Variants in CDR2L observed in about 807,000 individuals in gnomAD.
CDR2L encodes the protein cerebellar degeneration-related protein 2-like.
In CDR2L, 19 loss-of-function variants were observed where a neutral mutation model predicts 36.1. The ratio of observed to expected loss-of-function variants is 0.53; its 90% CI spans 0.37 to 0.77. CDR2L has a LOEUF of 0.77. Ranked by LOEUF, CDR2L falls within the 30% of genes least tolerant of loss-of-function variation. The pLI is 0.00. For synonymous variants in CDR2L, 285 were observed against 280.4 expected, an observed-to-expected ratio of 1.02 and a Z score of -0.16; for missense variants, 575 against 627.2, an observed-to-expected ratio of 0.92 and a Z score of 0.89.
chr17:74,992,938 A>C (rs1050439677), intron 1 of CDR2L, among the ~76,000 whole-genome samples: 1 of 152,228 alleles, frequency 6.6e-6, no homozygotes, highest in Non-Finnish European at 1.5e-5. Context: ...CCTCTGATGC[A>C]GTGGCTTTGC....
intron 1 of CDR2L, among the ~76,000 whole-genome samples, chr17:74,997,271 AT>A (rs1220459735): frequency 1.3e-5 from 2 of 151,602 alleles, no homozygotes; most frequent in Non-Finnish European, 2.9e-5. Flanking sequence ...TGGAGATAGG[AT>A]TTCACCATGT....
chr17:74,998,796 C>T (rs2039845962), intron 1 of CDR2L, among the ~76,000 whole-genome samples: 1 of 152,140 alleles, frequency 6.6e-6, no homozygotes, highest in Non-Finnish European at 1.5e-5. Flanking sequence ...CTGGGTTGTC[C>T]ACACCACTCT....
At position 75,004,042 on chromosome 17, in the gene CDR2L, G is replaced by A. The variant is rs1281038116; in HGVS notation, c.1366G>A (p.Ala456Thr). 11 of 1,610,654 alleles carry A rather than the reference G, an allele frequency of 6.8e-6. No homozygotes were observed. Among genetic ancestry groups the A allele is most frequent in the Non-Finnish European group, 8.5e-6 (10 of 1,178,652 alleles). ...RIQKTKADIN[A>T]TKVKTHSSK ...CCAGAAGACCAAGGCTGACATCAAC[G>A]CCACCAAAGTCAAGACGCACAGCAG... The change falls in exon 5 of 5, where the codon GCC becomes ACC. Residue 456 changes from alanine (A) to threonine (T), a missense_variant. Transcript: ENST00000337231.
rs773821535 is a variant in CDR2L at position 75,003,783 on chromosome 17, G to A, written c.1107G>A (p.Glu369=). 6.6e-6 allele frequency: 10 copies of A among 1,524,254 alleles called. No homozygotes were observed. Among genetic ancestry groups the A allele is most frequent in the Non-Finnish European group, 8.8e-6 (10 of 1,133,926 alleles). The allele number at this position is 1,524,254 out of a possible 1,614,324, so 94.4% of individuals were successfully genotyped here. ...QYHALLEKYE[E]LLSKCRQHGA... ...ACGCGCTGCTGGAGAAGTACGAGGA[G>A]CTGCTGAGCAAGTGCCGGCAGCACG... The change falls in exon 5 of 5, where the codon GAG becomes GAA. Residue 369 remains glutamate (E), a synonymous_variant. Coordinates refer to ENST00000337231, the MANE Select transcript of CDR2L (RefSeq NM_014603.3).
In CDR2L at chr17:75,005,469, G is replaced by A. The variant is rs763231376; in HGVS notation, c.*1395G>A. 6.5e-6 allele frequency: 1 copy of A among 152,744 alleles called. No homozygotes were observed. Among genetic ancestry groups the A allele is most frequent in the African/African-American group, 2.4e-5 (1 of 41,454 alleles). 9.5% of individuals were successfully genotyped at this position (152,744 alleles called of 1,614,324 possible). On this transcript the variant is annotated 3_prime_UTR_variant, in exon 5 of 5. Transcript: ENST00000337231. The surrounding 1 kb of genome is among the most constrained non-coding windows in gnomAD (Gnocchi z 4.2). ...CTTATTTATTTCTAATGGGTAAAGG[G>A]GTTTTCTTACCAAGCATCCCTGACC...
intron 1 of CDR2L, among the ~76,000 whole-genome samples, chr17:74,997,079 TC>T (rs59315943): frequency 0.063 from 257 of 4,078 alleles, 12 homozygotes; most frequent in East Asian, 0.18. Flanking sequence ...TTTCTTTCTT[TC>T]TTTCTTTTTT....
At position 74,999,497 on chromosome 17, in the gene CDR2L, A is replaced by G. The variant is rs1174258013; in HGVS notation, c.80-7A>G. The G allele has an allele frequency of 2.6e-6, 4 of 1,550,586 alleles. No individual in the cohort carries two copies. Among genetic ancestry groups the G allele is most frequent in the Non-Finnish European group, 3.5e-6 (4 of 1,143,208 alleles). The stretch of plus-strand genomic sequence containing the variant: ...TTGTTCTCATGCTCGTGTTTCTCCT[A>G]TCCTAGACTTGCACCTAGCTGCGGA... On this transcript the variant is annotated splice_region_variant and splice_polypyrimidine_tract_variant and intron_variant, in intron 1 of 4. Transcript: ENST00000337231.
At chr17:74,994,255 A>G (rs138581852) in intron 1 of CDR2L, among the ~76,000 whole-genome samples, 38 of 152,302 alleles carry the variant, frequency 2.5e-4, no homozygotes, top group African/African-American at 6.7e-4. Context: ...AACTATCACT[A>G]TGTCTAAAAA....
At chr17:74,997,441 T>A (rs758418915) in intron 1 of CDR2L, among the ~76,000 whole-genome samples, 6 of 151,636 alleles carry the variant, frequency 4.0e-5, no homozygotes, top group African/African-American at 7.3e-5. Context: ...CCGGGGAGAG[T>A]GAAGCTCTCC....
intron 1 of CDR2L, among the ~76,000 whole-genome samples, chr17:74,998,173 C>CA (rs1316649008): frequency 1.3e-5 from 2 of 151,896 alleles, no homozygotes; most frequent in African/African-American, 4.8e-5. Context: ...TGCAGTGAGC[C>CA]AAGATCGCGC....
chr17:74,993,255 C>T (rs1298022908), intron 1 of CDR2L, among the ~76,000 whole-genome samples: 1 of 151,788 alleles, frequency 6.6e-6, no homozygotes, highest in Non-Finnish European at 1.5e-5. Flanking sequence ...GCCATGCGCA[C>T]AATATAGTAC....
rs929371915 is a variant in CDR2L at position 75,001,256 on chromosome 17, A to G, written c.193-85A>G. The G allele has an allele frequency of 5.2e-6, 7 of 1,343,178 alleles. No individual in the cohort carries two copies. In the African/African-American group the frequency reaches 9.8e-5, roughly 19 times the overall value. 83.2% of individuals were successfully genotyped at this position (1,343,178 alleles called of 1,614,324 possible). On this transcript the variant is annotated intron_variant, in intron 2 of 4. Coordinates refer to ENST00000337231, the MANE Select transcript of CDR2L (RefSeq NM_014603.3). Reference sequence around the variant, plus strand: ...ATCAAAAGAAAAGAAAAGAAAAAAGACAAAAAAAGAAGTAGGAGGGTCTAG... The same window carrying G: ...ATCAAAAGAAAAGAAAAGAAAAAAGGCAAAAAAAGAAGTAGGAGGGTCTAG...
rs1256765510 is a variant in CDR2L, at chr17:75,001,333, A to T, written c.193-8A>T. 4 of 1,594,272 alleles carry T rather than the reference A, an allele frequency of 2.5e-6. No individual in the cohort carries two copies. In the African/African-American group the frequency reaches 5.4e-5, roughly 21 times the overall value. On this transcript the variant is annotated splice_region_variant and splice_polypyrimidine_tract_variant and intron_variant, in intron 2 of 4. Coordinates refer to ENST00000337231, the MANE Select transcript of CDR2L (RefSeq NM_014603.3). Reference sequence around the variant, plus strand: ...CTAAAAAGTTACTCAATGTCCTTCCACCCCCAGTACCTAACCAAGCAGCTG... The same window carrying T: ...CTAAAAAGTTACTCAATGTCCTTCCTCCCCCAGTACCTAACCAAGCAGCTG...
At chr17:74,990,496 T>C (rs2039789942) in intron 1 of CDR2L, among the ~76,000 whole-genome samples, 2 of 152,168 alleles carry the variant, frequency 1.3e-5, no homozygotes, top group African/African-American at 4.8e-5. Flanking sequence ...AAACTCACAA[T>C]GGCGTCAGAG....
In CDR2L at chr17:75,003,637, G is replaced by A; in HGVS notation, c.961G>A (p.Ala321Thr). The change falls in exon 5 of 5, where the codon GCG (alanine) becomes ACG (threonine). Residue 321 changes from alanine (A) to threonine (T), a missense_variant. Coordinates refer to ENST00000337231, the MANE Select transcript of CDR2L (RefSeq NM_014603.3). ...GGTGCGCAAGAGCTGCAGCGACACT[G>A]CGCTCAACGCCATCGTGGCCAAAGA... ...HVVRKSCSDT[A>T]LNAIVAKDPA... The A allele has an allele frequency of 6.8e-7, 1 of 1,464,920 alleles. No individual in the cohort carries two copies. Among genetic ancestry groups the A allele is most frequent in the Non-Finnish European group, 9.0e-7 (1 of 1,108,058 alleles). 90.7% of individuals were successfully genotyped at this position (1,464,920 alleles called of 1,614,324 possible).
At chr17:74,992,540 C>A (rs62086348) in intron 1 of CDR2L, among the ~76,000 whole-genome samples, 37,183 of 151,962 alleles carry the variant, frequency 0.24, 5,703 homozygotes, top group Admixed American at 0.39. Context: ...GAGCCTGGAG[C>A]CATCACCCAC....
At chr17:74,991,312 G>C (rs1011794278) in intron 1 of CDR2L, among the ~76,000 whole-genome samples, 1 of 150,352 alleles carries the variant, frequency 6.7e-6, no homozygotes, top group Non-Finnish European at 1.5e-5. Flanking sequence ...TGAGCCAGGA[G>C]AATCTCTTGA....
At chr17:74,994,059 G>A (rs561721414) in intron 1 of CDR2L, among the ~76,000 whole-genome samples, 1 of 152,214 alleles carries the variant, frequency 6.6e-6, no homozygotes, top group East Asian at 1.9e-4. Flanking sequence ...CTGCTTGCCT[G>A]GGCTCATCCC....
chr17:75,001,394 A>T lies in CDR2L; in HGVS notation c.246A>T (p.Lys82Asn). 1 of 1,611,764 alleles carries T rather than the reference A, an allele frequency of 6.2e-7. No individual in the cohort carries two copies. The highest frequency in any genetic ancestry group is 8.5e-7 in the Non-Finnish European group (1 of 1,179,170). ...GGCACGTGAACGAGCAGCACGCCAA[A>T]GTCTATGAGCAGCTGGACCTGACAG... is the stretch of plus-strand genomic sequence containing the variant. ...TLRHVNEQHA[K>N]VYEQLDLTAR... is the part of the protein sequence containing the mutation. The change falls in exon 3 of 5, where the codon AAA (lysine) becomes AAT (asparagine). Residue 82 changes from lysine to asparagine, a missense_variant. Transcript: ENST00000337231.
Sources: allele counts gnomAD v4.1 joint callset (sites outside exome capture counted in the v4.1 genomes callset), GRCh38; gene constraint gnomAD v4.1.1; non-coding constraint Gnocchi (gnomAD v3.1); transcripts MANE v1.5; gene names NCBI Gene and HGNC (gene_info 2026-07-23, HGNC 2026-07-21).